The following LMNTD2 variants were observed in gnomAD, a reference collection of about 807,000 sequenced individuals.
LMNTD2 encodes lamin tail domain containing 2, also known as lamin tail domain-containing protein 2.
Under a neutral mutation model 70.1 loss-of-function variants are expected in LMNTD2, and 83 were observed. The observed-to-expected ratio is 1.18, with a 90% CI of 0.99 to 1.42. LMNTD2 has a LOEUF of 1.42. Ranked by LOEUF, LMNTD2 falls within the 40% of genes most tolerant of loss-of-function variation. The pLI, the probability that LMNTD2 is intolerant of heterozygous loss-of-function variation, is 0.00. For synonymous variants in LMNTD2, 534 were observed against 406.1 expected, an observed-to-expected ratio of 1.31 and a Z score of -3.79; for missense variants, 1,153 against 905.9, an observed-to-expected ratio of 1.27 and a Z score of -3.50.
Position 556,036 on chromosome 11 carries a change from A to T in LMNTD2, c.1337T>A (p.Ile446Asn). The T allele has an allele frequency of 6.4e-7, 1 of 1,556,174 alleles. No individual in the cohort carries two copies. Among genetic ancestry groups the T allele is most frequent in the South Asian group, 1.2e-5 (1 of 86,892 alleles). ...SSREPVPLLS[I>N]RGCATLLLSP... ...CAGGAGCAGCGTCGCGCAGCCGCGG[A>T]TGGAGAGGAGGGGAACGGGCTCCCG... The change falls in exon 11 of 14, where the codon ATC becomes AAC. Residue 446 changes from isoleucine (I) to asparagine (N), a missense_variant. Ile to Asn is a moderately radical substitution (Grantham distance 149). Transcript: ENST00000329451.
In LMNTD2 at chr11:556,298, G is replaced by A. The variant is rs1167865228; in HGVS notation, c.1151C>T (p.Thr384Met). 3.9e-6 allele frequency: 6 copies of A among 1,535,454 alleles called. No individual in the cohort carries two copies. The South Asian group carries it at 4.8e-5, about 12-fold the overall frequency. The change falls in exon 10 of 14, where the codon ACG becomes ATG. Residue 384 changes from threonine to methionine, a missense_variant. Coordinates refer to ENST00000329451, the MANE Select transcript of LMNTD2 (RefSeq NM_173573.3). ...VRIFNPSQESTADLSGMVLKQ... is the reference protein window; with the variant it reads ...VRIFNPSQESMADLSGMVLKQ... ...CAGCACCATGCCGCTCAGGTCGGCC[G>A]TGCTCTCCTGCGACGGGTTGAAGAT...
intron 3 of LMNTD2, 31 bp from the exon 4 acceptor site, chr11:558,279 C>T (rs1404065353): frequency 1.2e-6 from 2 of 1,605,804 alleles, no homozygotes; most frequent in African/African-American, 1.3e-5. Context: ...GCAGCCCCCA[C>T]CCTGCTCAGG....
rs1415220615 is a variant in LMNTD2, at chr11:558,255, G to A, written c.312-7C>T. ...CTCCTGACTGTGGGAGCTCCTGGAG[G>A]AGGGGTGACCTCAGCAGCCCCCACC... is the stretch of plus-strand genomic sequence containing the variant. On this transcript the variant is annotated splice_polypyrimidine_tract_variant and splice_region_variant and intron_variant, in intron 3 of 13. Transcript: ENST00000329451. 4 of 1,613,062 alleles carry A rather than the reference G, an allele frequency of 2.5e-6. No individual in the cohort carries two copies. The highest frequency in any genetic ancestry group is 2.2e-5 in the East Asian group (1 of 44,890).
intron 13 of LMNTD2, 38 bp downstream of exon 13, chr11:555,267 A>AGGGAGGGGC: frequency 7.6e-7 from 1 of 1,311,656 alleles, no homozygotes. Context: ...GAGAACGAGG[A>AGGGAGGGGC]GGGAGAGGAG....
At chr11:558,341 C>T (rs1853034605) in intron 3 of LMNTD2, 93 bp from the exon 4 acceptor site, 3 of 1,390,134 alleles carry the variant, frequency 2.2e-6, no homozygotes, top group Non-Finnish European at 3.0e-6. Flanking sequence ...AGGAGGGGCT[C>T]CACTGCCACC....
At chr11:555,202 CGGAGGGGAGGGGACGAGGAGACAGAGG>C in intron 13 of LMNTD2, 76 bp downstream of exon 13, 3 of 427,040 alleles carry the variant, frequency 7.0e-6, no homozygotes, top group Non-Finnish European at 9.3e-6. Context: ...GGGAGGAGAG[CGGAGGGGAGGGGACGAGGAGACAGAGG>C]GGAGGGAGGG....
In LMNTD2 at chr11:556,900, C is replaced by CGGGG. The variant is rs1852923003; in HGVS notation, c.907_910dup (p.Arg304ProfsTer161). Reference sequence around the variant, plus strand: ...TTGCTCGGAGGAAGCGCGGTGGTCCCGGGGCGGGTGCCCTATCACCTGCAC... The same window carrying CGGGG: ...TTGCTCGGAGGAAGCGCGGTGGTCCCGGGGGGGGCGGGTGCCCTATCACCTGCAC... On this transcript the variant is annotated frameshift_variant, in exon 8 of 14. Coordinates refer to ENST00000329451, the MANE Select transcript of LMNTD2 (RefSeq NM_173573.3). LOFTEE classifies it high-confidence loss of function. The CGGGG allele has an allele frequency of 3.1e-6, 5 of 1,593,664 alleles. No individual in the cohort carries two copies. Among genetic ancestry groups the CGGGG allele is most frequent in the Non-Finnish European group, 2.6e-6 (3 of 1,173,238 alleles).
intron 8 of LMNTD2, 78 bp from the exon 9 acceptor site, chr11:556,666 GC>G: frequency 7.1e-7 from 1 of 1,409,366 alleles, no homozygotes; most frequent in Non-Finnish European, 9.4e-7. Context: ...GTCAGAACAG[GC>G]CTGCAACGCC....
rs969686687 is a variant in LMNTD2, at chr11:558,512, G to A, written c.311+102C>T. The A allele has an allele frequency of 1.3e-5, 18 of 1,412,288 alleles. No individual in the cohort carries two copies. In the Admixed American group the frequency reaches 2.2e-4, roughly 18 times the overall value. 87.5% of individuals were successfully genotyped at this position (1,412,288 alleles called of 1,614,324 possible). On this transcript the variant is annotated intron_variant, in intron 3 of 13. Transcript: ENST00000329451. ...AGGGTCAGCGCGGGCAAGGATGAGG[G>A]TAAGGATCTGCCTCAGCGGTTGGGG...
In LMNTD2 at chr11:558,833, C is replaced by G. The variant is rs772747615; in HGVS notation, c.158+23G>C. The stretch of plus-strand genomic sequence containing the variant: ...CTGGCCACCTGGCCCAGGAGGCTCA[C>G]CAGTCCTCCCTCTCCTCCTTACTGC... On this transcript the variant is annotated intron_variant, in intron 2 of 13. Transcript: ENST00000329451. 1.6e-5 allele frequency: 26 copies of G among 1,596,722 alleles called. No individual in the cohort carries two copies. In the South Asian group the frequency reaches 2.8e-4, roughly 17 times the overall value.
intron 1 of LMNTD2, chr11:559,529 C>G: frequency 8.0e-7 from 1 of 1,251,478 alleles, no homozygotes; most frequent in South Asian, 1.3e-5. Flanking sequence ...TGAGCCACTG[C>G]TCAGCTTAGC....
At position 557,780 on chromosome 11, in the gene LMNTD2, G is replaced by A. The variant is rs1040272184; in HGVS notation, c.555+104C>T. The A allele has an allele frequency of 3.4e-5, 52 of 1,535,972 alleles. No individual in the cohort carries two copies. In the South Asian group the frequency reaches 6.1e-4, roughly 18 times the overall value. ...AGAGTTCCAGAGGCACCTGAGCAGG[G>A]CAGGCTTCCAGGCAGGCCAGGGCGC... is the stretch of plus-strand genomic sequence containing the variant. On this transcript the variant is annotated intron_variant, in intron 5 of 13. Coordinates refer to ENST00000329451, the MANE Select transcript of LMNTD2 (RefSeq NM_173573.3).
intron 12 of LMNTD2, 101 bp from the exon 13 acceptor site, chr11:555,604 G>A (rs1852798505): frequency 1.6e-6 from 2 of 1,262,232 alleles, no homozygotes; most frequent in South Asian, 1.9e-5. Flanking sequence ...GCGTACTGGA[G>A]GACCAGGGGG....
intron 1 of LMNTD2, 79 bp from the exon 2 acceptor site, chr11:559,058 G>A (rs184628170): frequency 2.2e-4 from 348 of 1,566,360 alleles, no homozygotes; most frequent in South Asian, 2.7e-4. Context: ...AATGTTCTTC[G>A]GGAGCTGGGA....
chr11:554,926 G>C lies in LMNTD2; in HGVS notation c.*54C>G, dbSNP rs1467880600. On this transcript the variant is annotated 3_prime_UTR_variant, in exon 14 of 14. Coordinates refer to ENST00000329451, the MANE Select transcript of LMNTD2 (RefSeq NM_173573.3). ...TGATGCAGCGGACACAGCCCGCCCA[G>C]CCCCGGCGCCCGCCCGCGCCCTCCC... The C allele has an allele frequency of 7.4e-7, 1 of 1,344,640 alleles. No individual in the cohort carries two copies. The highest frequency in any genetic ancestry group is 1.5e-5 in the African/African-American group (1 of 64,844). 83.3% of individuals were successfully genotyped at this position (1,344,640 alleles called of 1,614,324 possible). A position where few individuals can be genotyped will look rare whatever the true frequency, so the allele number is the denominator to read the frequency against.
In LMNTD2 at chr11:555,047, T is replaced by G. The variant is rs572532454; in HGVS notation, c.1838A>C (p.Glu613Ala). The change falls in exon 14 of 14, where the codon GAG (glutamate) becomes GCG (alanine). Residue 613 changes from glutamate to alanine, a missense_variant. Physicochemically the swap from Glu to Ala is moderately radical, Grantham distance 107. Coordinates refer to ENST00000329451, the MANE Select transcript of LMNTD2 (RefSeq NM_173573.3). Reference sequence around the variant, plus strand: ...GAGGAAGCGGAAGCCGAATCTGCTCTCCGCCGTGTTCTGCACCGACAGGGC... The same window carrying G: ...GAGGAAGCGGAAGCCGAATCTGCTCGCCGCCGTGTTCTGCACCGACAGGGC... ...LVALSVQNTAESRFGFRFLSC... is the reference protein window; with the variant it reads ...LVALSVQNTAASRFGFRFLSC... The G allele has an allele frequency of 6.3e-7, 1 of 1,592,304 alleles. No homozygotes were observed. The highest frequency in any genetic ancestry group is 1.4e-5 in the African/African-American group (1 of 71,872).
In LMNTD2 at chr11:557,448, G is replaced by A. The variant is rs554990782; in HGVS notation, c.664C>T (p.Arg222Cys). 125 of 1,609,300 alleles carry A rather than the reference G, an allele frequency of 7.8e-5. No homozygotes were observed. Among genetic ancestry groups the A allele is most frequent in the Non-Finnish European group, 9.3e-5 (110 of 1,177,906 alleles). The change falls in exon 7 of 14, where the codon CGC becomes TGC. Residue 222 changes from arginine (R) to cysteine (C), a missense_variant. Arg to Cys is a radical substitution (Grantham distance 180). Coordinates refer to ENST00000329451, the MANE Select transcript of LMNTD2 (RefSeq NM_173573.3). ...TTGGTGAAGAGGTTGGGATACCGGCGGGCAACGCTGTTCCAATCCACGTCC... is the reference window on the plus strand; with the variant it reads ...TTGGTGAAGAGGTTGGGATACCGGCAGGCAACGCTGTTCCAATCCACGTCC... ...LEDVDWNSVARRYPNLFTNME... is the reference protein window; with the variant it reads ...LEDVDWNSVACRYPNLFTNME...
rs1222063613 is a variant in LMNTD2, at chr11:558,417, G to A, written c.312-169C>T. The A allele has an allele frequency of 4.6e-5, 49 of 1,054,156 alleles. No homozygotes were observed. In the East Asian group the frequency reaches 9.9e-4, roughly 21 times the overall value. 65.3% of individuals were successfully genotyped at this position (1,054,156 alleles called of 1,614,324 possible). On this transcript the variant is annotated intron_variant, in intron 3 of 13. Transcript: ENST00000329451. The stretch of plus-strand genomic sequence containing the variant: ...CCAGCCTCCGGCTGGTCTGGACAAG[G>A]GTCTAGCACCCATCCACATGCGCAG...
chr11:556,657 T>G (rs1250026040), intron 8 of LMNTD2, 69 bp from the exon 9 acceptor site: 1 of 1,427,212 alleles, frequency 7.0e-7, no homozygotes, highest in Non-Finnish European at 9.3e-7. Context: ...CCCCGTGAGG[T>G]CAGAACAGGC....
Sources: gnomAD v4.1 joint callset for allele counts on GRCh38, gnomAD v4.1.1 for gene constraint, MANE v1.5 for transcripts, NCBI Gene and HGNC (gene_info 2026-07-23, HGNC 2026-07-21) for gene names.